Variants in CSMD1 observed in about 807,000 individuals in gnomAD.
CSMD1 encodes CUB and Sushi multiple domains 1.
A neutral mutation model predicts 417.5 loss-of-function variants in CSMD1; 213 were observed. The observed-to-expected ratio is 0.51, with a 90% confidence interval of 0.46 to 0.57. The LOEUF (loss-of-function observed/expected upper bound fraction) is 0.57, where lower values mean the gene tolerates loss of function less well. Ranked by LOEUF, CSMD1 falls within the 20% of genes least tolerant of loss-of-function variation. The pLI is 0.00. For missense variants in CSMD1, 6,923 were observed against 4,529.7 expected (o/e 1.53, Z -15.17); for synonymous variants, 2,862 against 1,736.8 (o/e 1.65, Z -16.11).
At chr8:3,869,021 T>A (rs193053899) in intron 5 of CSMD1, among the ~76,000 whole-genome samples, 148 of 152,366 alleles carry the variant, frequency 9.7e-4, no homozygotes, top group African/African-American at 3.4e-3. Context: ...AAGTAACAGC[T>A]GCAAGCATAT....
chr8:3,005,918 C>T (rs935758403), intron 52 of CSMD1, among the ~76,000 whole-genome samples: 2 of 151,948 alleles, frequency 1.3e-5, no homozygotes, highest in African/African-American at 4.8e-5. Context: ...GAAGTTCTGG[C>T]CAGGGCAATT....
At chr8:4,603,910 T>G (rs1800729323) in intron 2 of CSMD1, among the ~76,000 whole-genome samples, 2 of 152,126 alleles carry the variant, frequency 1.3e-5, no homozygotes, top group African/African-American at 4.8e-5. Flanking sequence ...TCTGGGGGAT[T>G]TGGGATATGA....
rs867874032 is a variant in CSMD1 at position 4,661,946 on chromosome 8, C to T, written c.86-24388G>A. ...TTTAATAGGATTATATTGACAGTTTCTACATAGTTACAGAGTTATTACAAC... is the reference window on the plus strand; with the variant it reads ...TTTAATAGGATTATATTGACAGTTTTTACATAGTTACAGAGTTATTACAAC... On this transcript the variant is annotated intron_variant, in intron 1 of 69. Coordinates refer to ENST00000635120, the MANE Select transcript of CSMD1 (RefSeq NM_033225.6). Among the ~76,000 whole-genome samples, 7 of 152,040 alleles carry T rather than the reference C, an allele frequency of 4.6e-5. No homozygotes were observed. The South Asian group carries it at 1.0e-3, about 22-fold the overall frequency.
chr8:3,810,813 C>G (rs143531086), intron 5 of CSMD1, among the ~76,000 whole-genome samples: 3 of 152,158 alleles, frequency 2.0e-5, no homozygotes, highest in Admixed American at 6.5e-5. Context: ...TGACCTCACT[C>G]TTTGTAACAC....
At chr8:3,285,112 G>A (rs1414823826) in intron 25 of CSMD1, among the ~76,000 whole-genome samples, 1 of 152,028 alleles carries the variant, frequency 6.6e-6, no homozygotes, top group African/African-American at 2.4e-5. Flanking sequence ...GCCCTGAATG[G>A]GTCTGATTTA....
At chr8:3,607,023 T>G (rs957718533) in intron 8 of CSMD1, among the ~76,000 whole-genome samples, 2 of 152,106 alleles carry the variant, frequency 1.3e-5, no homozygotes, top group African/African-American at 4.8e-5. Flanking sequence ...CGTGTTACAG[T>G]TTTTAACTTG....
intron 26 of CSMD1, among the ~76,000 whole-genome samples, chr8:3,255,862 G>C (rs918496795): frequency 6.6e-5 from 10 of 152,110 alleles, no homozygotes; most frequent in Non-Finnish European, 1.2e-4. Context: ...TTGGTGTGCT[G>C]CACCCACTGT....
intron 7 of CSMD1, among the ~76,000 whole-genome samples, chr8:3,634,526 T>C (rs1000116054): frequency 6.6e-6 from 1 of 152,188 alleles, no homozygotes; most frequent in Non-Finnish European, 1.5e-5. Flanking sequence ...TCTGCCCATG[T>C]ACCTCTTCCC....
At chr8:3,132,132 G>C (rs539176638) in intron 41 of CSMD1, among the ~76,000 whole-genome samples, 1 of 152,292 alleles carries the variant, frequency 6.6e-6, no homozygotes, top group South Asian at 2.1e-4. Context: ...TGCTCAGTGT[G>C]CCTGCTCTGC....
At chr8:4,081,346 A>T (rs1198819930) in intron 3 of CSMD1, among the ~76,000 whole-genome samples, 1 of 152,194 alleles carries the variant, frequency 6.6e-6, no homozygotes, top group Non-Finnish European at 1.5e-5. Context: ...GGGTTAAACA[A>T]CAGGGTATTG....
intron 1 of CSMD1, among the ~76,000 whole-genome samples, chr8:4,718,068 C>A (rs1234731288): frequency 6.6e-6 from 1 of 152,180 alleles, no homozygotes; most frequent in African/African-American, 2.4e-5. Flanking sequence ...GCCTCTACCT[C>A]CCTGGATCAG....
At chr8:4,479,634 G>A (rs1229375116) in intron 2 of CSMD1, among the ~76,000 whole-genome samples, 4 of 152,058 alleles carry the variant, frequency 2.6e-5, no homozygotes, top group African/African-American at 7.2e-5. Context: ...AGTGGCTCAC[G>A]CCTGTAATCC....
intron 7 of CSMD1, among the ~76,000 whole-genome samples, chr8:3,622,243 G>A (rs148172931): frequency 9.7e-4 from 147 of 152,238 alleles, no homozygotes; most frequent in Middle Eastern, 6.8e-3. Context: ...GCCATCACAG[G>A]CTGGATGTCT....
chr8:3,881,678 A>C (rs1414296429), intron 5 of CSMD1, among the ~76,000 whole-genome samples: 1 of 152,044 alleles, frequency 6.6e-6, no homozygotes, highest in African/African-American at 2.4e-5. Flanking sequence ...GAAAACAAAA[A>C]AAAACAATTT....
intron 54 of CSMD1, among the ~76,000 whole-genome samples, chr8:2,986,834 G>A (rs1310854000): frequency 3.3e-5 from 5 of 152,080 alleles, no homozygotes; most frequent in East Asian, 1.9e-4. Context: ...AAGAAAATAT[G>A]CCTAATGCAA....
At chr8:4,136,441 C>T (rs772729426) in intron 3 of CSMD1, among the ~76,000 whole-genome samples, 5 of 152,122 alleles carry the variant, frequency 3.3e-5, no homozygotes, top group Non-Finnish European at 7.4e-5. Context: ...AGCAAGCATC[C>T]CTTTTGAAAA....
At chr8:3,579,066 C>G (rs900353241) in intron 9 of CSMD1, among the ~76,000 whole-genome samples, 18 of 152,184 alleles carry the variant, frequency 1.2e-4, no homozygotes, top group African/African-American at 4.3e-4. Flanking sequence ...TGGATAATAA[C>G]TACGACCTAA....
intron 2 of CSMD1, among the ~76,000 whole-genome samples, chr8:4,546,179 T>C (rs1381655303): frequency 6.6e-6 from 1 of 152,214 alleles, no homozygotes; most frequent in Non-Finnish European, 1.5e-5. Context: ...GTTTATTATG[T>C]CCTTGTTATA....
intron 5 of CSMD1, among the ~76,000 whole-genome samples, chr8:3,893,444 G>C (rs1382128997): frequency 6.7e-6 from 1 of 148,718 alleles, no homozygotes; most frequent in South Asian, 2.1e-4. Context: ...AACCAATGAG[G>C]ACAGTATGAT....
Sources: gnomAD v4.1 joint callset for allele counts (sites outside exome capture counted in the v4.1 genomes callset) on GRCh38, gnomAD v4.1.1 for gene constraint, MANE v1.5 for transcripts, NCBI Gene and HGNC (gene_info 2026-07-23, HGNC 2026-07-21) for gene names.